SGCD: variants seen among roughly 807,000 people sequenced by gnomAD.
SGCD encodes sarcoglycan delta.
A neutral mutation model predicts 36.6 loss-of-function variants in SGCD; 18 were observed. The observed-to-expected ratio is 0.49, with a 90% CI of 0.34 to 0.73. SGCD has a LOEUF of 0.73. Ranked by LOEUF, SGCD falls within the 30% of genes least tolerant of loss-of-function variation. The probability of loss-of-function intolerance (pLI) is 0.01; values close to 1 mark genes in which losing one functional copy is unlikely to be tolerated. For synonymous variants in SGCD, 133 were observed against 130.6 expected (o/e 1.02, Z -0.12); for missense variants, 387 against 346.7 (o/e 1.12, Z -0.92).
At chr5:155,870,769 A>G (rs147574992) in intron 1 of SGCD, among the ~76,000 whole-genome samples, 3,952 of 152,228 alleles carry the variant, frequency 0.026, 63 homozygotes, top group Non-Finnish European at 0.04. Flanking sequence ...TTCTGTGTAG[A>G]CATGTGAAAA....
intron 1 of SGCD, among the ~76,000 whole-genome samples, chr5:156,042,268 G>A (rs1328446807): frequency 1.3e-5 from 2 of 151,872 alleles, no homozygotes; most frequent in African/African-American, 2.4e-5. Context: ...GCACCTGAAA[G>A]TGTCACTTGG....
intron 3 of SGCD, among the ~76,000 whole-genome samples, chr5:156,252,871 A>G (rs1163533219): frequency 6.6e-6 from 1 of 152,168 alleles, no homozygotes; most frequent in Non-Finnish European, 1.5e-5. Context: ...ATGGCCTTGC[A>G]AGTCCAAGGG....
chr5:155,983,714 G>GTAA (rs1758274803), intron 1 of SGCD, among the ~76,000 whole-genome samples: 1 of 152,170 alleles, frequency 6.6e-6, no homozygotes, highest in African/African-American at 2.4e-5. Context: ...AAGGGTTCTG[G>GTAA]TAAATATATA....
rs530200136 is a variant in SGCD, at chr5:156,055,489, C to T, written c.-281-62389C>T. Among the ~76,000 whole-genome samples the T allele has an allele frequency of 4.1e-5, 6 of 146,402 alleles. No homozygotes were observed. The East Asian group carries it at 5.8e-4, about 14-fold the overall frequency. ...TAGAAATTATGTTAAAGGTAAATCTCTCTTGTAGATGAATATGGATTTGAA... is the reference window on the plus strand; with the variant it reads ...TAGAAATTATGTTAAAGGTAAATCTTTCTTGTAGATGAATATGGATTTGAA... On this transcript the variant is annotated intron_variant, in intron 1 of 9. Coordinates refer to the SGCD transcript ENST00000517913.
intron 3 of SGCD, among the ~76,000 whole-genome samples, chr5:156,151,746 G>T (rs1209121765): frequency 6.6e-6 from 1 of 151,536 alleles, no homozygotes; most frequent in Non-Finnish European, 1.5e-5. Flanking sequence ...TTGCAGGAAG[G>T]AGTTTCCAGT....
At chr5:155,959,383 C>G (rs1049508513) in intron 1 of SGCD, among the ~76,000 whole-genome samples, 12 of 152,124 alleles carry the variant, frequency 7.9e-5, no homozygotes, top group Non-Finnish European at 1.5e-4. Flanking sequence ...CTGAATTCAG[C>G]TGGAGAACTT....
chr5:156,758,391 T>TG (rs1561900423), intron 8 of SGCD, among the ~76,000 whole-genome samples: 45 of 57,988 alleles, frequency 7.8e-4, no homozygotes, highest in Admixed American at 4.7e-3. Context: ...ATCTGTGTGT[T>TG]TTTTTTTTTT....
intron 1 of SGCD, among the ~76,000 whole-genome samples, chr5:156,091,245 T>G (rs1424028451): frequency 1.3e-5 from 2 of 152,208 alleles, no homozygotes; most frequent in East Asian, 1.9e-4. Flanking sequence ...GTTTTAATTT[T>G]GGGAACTAAT....
At chr5:155,861,590 C>G in the SGCD span, among the ~76,000 whole-genome samples, 2 of 152,108 alleles carry the variant, frequency 1.3e-5, no homozygotes, top group Non-Finnish European at 2.9e-5. Flanking sequence ...TGGTGGCATG[C>G]GCCTGTAGTC....
Position 156,313,627 on chromosome 5 carries a change from G to A in SGCD, c.-43-15907G>A, listed in dbSNP as rs181655796. On this transcript the variant is annotated intron_variant, in intron 3 of 9. Transcript: ENST00000517913. ...TCTAAGTACCTCCGAATGTCTGTGG[G>A]AAATCTGATTTAAGGTAGTAAAGCT... Among the ~76,000 whole-genome samples the A allele has an allele frequency of 2.3e-3, 344 of 152,182 alleles. 4 individuals carry two copies. Among genetic ancestry groups the A allele is most frequent in the Non-Finnish European group, 2.9e-3 (198 of 67,920 alleles).
intron 3 of SGCD, among the ~76,000 whole-genome samples, chr5:156,432,752 G>A (rs2127788890): frequency 6.6e-6 from 1 of 152,280 alleles, no homozygotes; most frequent in South Asian, 2.1e-4. Context: ...GTGAGTAGCA[G>A]GCTGTGATAG....
intron 4 of SGCD, among the ~76,000 whole-genome samples, chr5:156,567,930 T>C (rs372401720): frequency 6.6e-6 from 1 of 152,236 alleles, no homozygotes. Flanking sequence ...GTGTGCTTTC[T>C]GCTAGGCACA....
At position 156,640,307 on chromosome 5, in the gene SGCD, G is replaced by GAT. The variant is rs999540568; in HGVS notation, c.503-7147_503-7146dup. Among the ~76,000 whole-genome samples the GAT allele has an allele frequency of 6.0e-5, 9 of 150,896 alleles. No individual in the cohort carries two copies. In the East Asian group the frequency reaches 7.7e-4, roughly 13 times the overall value. ...ATCTATATATTGCTATACATCTCTA[G>GAT]ATATATATATACATTTGTGCTTTAT... On this transcript the variant is annotated intron_variant, in intron 6 of 8. Coordinates refer to ENST00000337851, the MANE Select transcript of SGCD (RefSeq NM_000337.6).
the SGCD span, among the ~76,000 whole-genome samples, chr5:155,809,375 G>A: frequency 6.6e-6 from 1 of 152,228 alleles, no homozygotes; most frequent in African/African-American, 2.4e-5. Context: ...TCATTGAGAT[G>A]AACCAAGAGA....
intron 1 of SGCD, among the ~76,000 whole-genome samples, chr5:155,952,929 T>C (rs1383219422): frequency 1.3e-5 from 2 of 152,228 alleles, no homozygotes; most frequent in African/African-American, 2.4e-5. Flanking sequence ...GACCAGCTTT[T>C]GAACTGCATC....
chr5:156,668,199 C>T (rs1252054393), intron 7 of SGCD, among the ~76,000 whole-genome samples: 1 of 152,158 alleles, frequency 6.6e-6, no homozygotes, highest in Non-Finnish European at 1.5e-5. Flanking sequence ...TGATATGATC[C>T]TCTTGATTTT....
At chr5:156,126,047 T>A (rs1390237378) in intron 3 of SGCD, among the ~76,000 whole-genome samples, 2 of 151,580 alleles carry the variant, frequency 1.3e-5, no homozygotes, top group East Asian at 2.0e-4. Context: ...CTGGCTAATA[T>A]GTTTGTATTT....
intron 4 of SGCD, among the ~76,000 whole-genome samples, chr5:156,576,116 T>G (rs973526032): frequency 2.7e-5 from 4 of 149,206 alleles, no homozygotes; most frequent in Non-Finnish European, 6.0e-5. Flanking sequence ...GATGTTCCCC[T>G]CCCTGTGTCC....
intron 3 of SGCD, among the ~76,000 whole-genome samples, chr5:156,473,512 A>G (rs750265130): frequency 1.3e-5 from 2 of 152,284 alleles, no homozygotes; most frequent in East Asian, 3.9e-4. Flanking sequence ...GTTATTTTCT[A>G]TGTAATCTTT....
Sources: gnomAD v4.1 joint callset for allele counts (sites outside exome capture counted in the v4.1 genomes callset) on GRCh38, gnomAD v4.1.1 for gene constraint, MANE v1.5 for transcripts, NCBI Gene and HGNC (gene_info 2026-07-23, HGNC 2026-07-21) for gene names.